PRCP: variants seen among roughly 807,000 people sequenced by gnomAD.
PRCP encodes lysosomal Pro-X carboxypeptidase.
Under a neutral mutation model 54.2 loss-of-function variants are expected in PRCP, and 46 were observed. The ratio of observed to expected loss-of-function variants is 0.85; its 90% confidence interval spans 0.67 to 1.09. The LOEUF is 1.09. Ranked by LOEUF, PRCP falls within the 50% of genes least tolerant of loss-of-function variation. The pLI, the probability that PRCP is intolerant of heterozygous loss-of-function variation, is 0.00. For synonymous variants in PRCP, 240 were observed against 212.2 expected (o/e 1.13, Z -1.14); for missense variants, 613 against 596.8 (o/e 1.03, Z -0.28).
intron 4 of PRCP, 28 bp downstream of exon 4, chr11:82,850,296 C>T (rs372057598): frequency 4.9e-5 from 67 of 1,375,092 alleles, no homozygotes; most frequent in Middle Eastern, 2.0e-4. Context: ...CATTAAGAAA[C>T]GTTCATGTCC....
chr11:82,889,285 G>A (rs533771302), intron 1 of PRCP, among the ~76,000 whole-genome samples: 1 of 152,078 alleles, frequency 6.6e-6, no homozygotes, highest in South Asian at 2.1e-4. Context: ...CTGAGCCCGG[G>A]AGTTTGAGGC....
chr11:82,867,894 T>C (rs1295974953), intron 1 of PRCP, among the ~76,000 whole-genome samples: 1 of 152,092 alleles, frequency 6.6e-6, no homozygotes, highest in Non-Finnish European at 1.5e-5. Flanking sequence ...GTTTGTTAAG[T>C]TTTAAATTAA....
At chr11:82,848,415 G>A (rs547666871) in intron 6 of PRCP, among the ~76,000 whole-genome samples, 1 of 152,066 alleles carries the variant, frequency 6.6e-6, no homozygotes, top group South Asian at 2.1e-4. Flanking sequence ...TATTTGGTAT[G>A]TAAGTACTGT....
intron 1 of PRCP, among the ~76,000 whole-genome samples, chr11:82,893,312 T>C (rs1860044741): frequency 6.6e-6 from 1 of 152,212 alleles, no homozygotes; most frequent in Admixed American, 6.5e-5. Flanking sequence ...TACATTTTGT[T>C]AGGTTAAGTG....
chr11:82,898,837 T>C (rs189836246), intron 1 of PRCP, among the ~76,000 whole-genome samples: 304 of 149,822 alleles, frequency 2.0e-3, no homozygotes, highest in Non-Finnish European at 3.4e-3. Context: ...TGAACTCAAA[T>C]GTCTGGGTTA....
chr11:82,862,603 A>T (rs948969182), intron 1 of PRCP, among the ~76,000 whole-genome samples: 5 of 152,206 alleles, frequency 3.3e-5, no homozygotes, highest in Non-Finnish European at 7.4e-5. Flanking sequence ...CACAGTTCCC[A>T]TTCATACCAC....
At chr11:82,855,665 AAAC>A (rs1859066702) in intron 2 of PRCP, among the ~76,000 whole-genome samples, 1 of 152,122 alleles carries the variant, frequency 6.6e-6, no homozygotes, top group African/African-American at 2.4e-5. Flanking sequence ...TTACAAGAAA[AAAC>A]AACCCCATTA....
chr11:82,854,769 A>G (rs539889420), intron 2 of PRCP, among the ~76,000 whole-genome samples: 2 of 152,366 alleles, frequency 1.3e-5, no homozygotes, highest in African/African-American at 4.8e-5. Flanking sequence ...CTGACTTCAA[A>G]CTATACTGCA....
At chr11:82,864,507 C>G (rs755142814) in intron 1 of PRCP, among the ~76,000 whole-genome samples, 9 of 152,180 alleles carry the variant, frequency 5.9e-5, no homozygotes, top group Non-Finnish European at 1.3e-4. Flanking sequence ...CTGTGTTGCT[C>G]AACTGAAGAA....
At chr11:82,835,025 T>C (rs766133919) in intron 8 of PRCP, among the ~76,000 whole-genome samples, 6 of 152,126 alleles carry the variant, frequency 3.9e-5, no homozygotes, top group African/African-American at 1.4e-4. Context: ...GATCATGCCA[T>C]TGCACTTCAG....
intron 1 of PRCP, among the ~76,000 whole-genome samples, chr11:82,897,076 A>G (rs1033579392): frequency 6.6e-6 from 1 of 152,170 alleles, no homozygotes; most frequent in Non-Finnish European, 1.5e-5. Flanking sequence ...CACAAGCCAC[A>G]TATTCCAGAG....
chr11:82,877,011 G>T (rs994625422), intron 1 of PRCP, among the ~76,000 whole-genome samples: 1 of 152,214 alleles, frequency 6.6e-6, no homozygotes, highest in African/African-American at 2.4e-5. Context: ...GAACAACAAG[G>T]TCCAGGCTGA....
rs1229504538 is a variant in PRCP, at chr11:82,824,938, C to G, written c.1459G>C (p.Asp487His). Residue 487 changes from aspartate (D) to histidine (H), a missense_variant, in exon 9 of 9, where the codon GAT becomes CAT. Asp to His is a moderately conservative substitution (Grantham distance 81, BLOSUM62 -1). Transcript: ENST00000313010. ...TGCTTTCCCGCACTGTCATAGAAAT[C>G]TCTGATCCAATTCTTCATATGTCTA... Reference protein sequence around the residue: ...EVRHMKNWIRDFYDSAGKQH With the variant: ...EVRHMKNWIRHFYDSAGKQH 2 of 1,614,086 alleles carry G rather than the reference C, an allele frequency of 1.2e-6. No homozygotes were observed. Among genetic ancestry groups the G allele is most frequent in the African/African-American group, 2.7e-5 (2 of 75,032 alleles).
chr11:82,842,526 AC>A (rs1007556463), intron 6 of PRCP, among the ~76,000 whole-genome samples: 59 of 152,290 alleles, frequency 3.9e-4, no homozygotes, highest in African/African-American at 1.3e-3. Flanking sequence ...AGCTGAAGCA[AC>A]CCTAAAATTG....
At chr11:82,844,462 C>T (rs1025921253) in intron 6 of PRCP, among the ~76,000 whole-genome samples, 5 of 151,536 alleles carry the variant, frequency 3.3e-5, no homozygotes, top group Admixed American at 1.3e-4. Flanking sequence ...AGAGGCCGGG[C>T]GCGGTGGCTC....
intron 1 of PRCP, among the ~76,000 whole-genome samples, chr11:82,863,874 AC>A (rs1208224438): frequency 2.0e-5 from 3 of 152,182 alleles, no homozygotes; most frequent in African/African-American, 7.2e-5. Context: ...AGAGAGAGGA[AC>A]CCTGGCAAGA....
At chr11:82,835,788 T>A (rs1858509283) in intron 8 of PRCP, 2 of 471,608 alleles carry the variant, frequency 4.2e-6, no homozygotes, top group Non-Finnish European at 8.4e-6. Flanking sequence ...GTAAAGGATC[T>A]TAAGATTGAA....
At position 82,826,580 on chromosome 11, in the gene PRCP, T is replaced by C. The variant is rs140629341; in HGVS notation, c.1275-1458A>G. ...CATTTTATATTCCCAGTAGCAACATTTGAGGGTTCCACTTTCTCTACATCT... is the reference window on the plus strand; with the variant it reads ...CATTTTATATTCCCAGTAGCAACATCTGAGGGTTCCACTTTCTCTACATCT... On this transcript the variant is annotated intron_variant, in intron 8 of 8. Coordinates refer to ENST00000313010, the MANE Select transcript of PRCP (RefSeq NM_005040.4). The C allele has an allele frequency of 2.0e-5, 3 of 152,222 alleles. No individual in the cohort carries two copies. In the East Asian group the frequency reaches 5.8e-4, roughly 29 times the overall value. 9.4% of individuals were successfully genotyped at this position (152,222 alleles called of 1,614,324 possible).
At chr11:82,884,938 T>C in intron 1 of PRCP, 1 of 1,600,630 alleles carries the variant, frequency 6.2e-7, no homozygotes, top group South Asian at 1.1e-5. Context: ...AAGGTTTTAC[T>C]AGCACACACC....
Sources: allele counts gnomAD v4.1 joint callset (sites outside exome capture counted in the v4.1 genomes callset), GRCh38; gene constraint gnomAD v4.1.1; transcripts MANE v1.5; gene names NCBI Gene and HGNC (gene_info 2026-07-23, HGNC 2026-07-21).